Variants in UNC5C observed in about 807,000 individuals in gnomAD.
UNC5C encodes unc-5 netrin receptor C.
Under a neutral mutation model 99.8 loss-of-function variants are expected in UNC5C, and 47 were observed. The observed-to-expected ratio is 0.47, with a 90% CI of 0.37 to 0.60. UNC5C has a LOEUF of 0.60. UNC5C is among the 20% of genes least tolerant of loss of function. The probability of loss-of-function intolerance (pLI) is 0.00; values close to 1 mark genes in which losing one functional copy is unlikely to be tolerated. For synonymous variants in UNC5C, 487 were observed against 452.2 expected (o/e 1.08, Z -0.98); for missense variants, 1,062 against 1,165.9 (o/e 0.91, Z 1.30).
intron 3 of UNC5C, among the ~76,000 whole-genome samples, chr4:95,292,413 T>G (rs2149400489): frequency 6.6e-6 from 1 of 151,970 alleles, no homozygotes. Context: ...CATATATATT[T>G]AACTGGAGAT....
intron 11 of UNC5C, among the ~76,000 whole-genome samples, chr4:95,206,227 C>T (rs1737870731): frequency 1.3e-5 from 2 of 151,878 alleles, no homozygotes; most frequent in Admixed American, 1.3e-4. Context: ...TCTCAAACTC[C>T]TGACCTCATG....
At position 95,491,872 on chromosome 4, in the gene UNC5C, T is replaced by C. The variant is rs1578193129; in HGVS notation, c.124+56862A>G. Among the ~76,000 whole-genome samples, 3 of 151,752 alleles carry C rather than the reference T, an allele frequency of 2.0e-5. 1 individual carries two copies. Among genetic ancestry groups the C allele is most frequent in the South Asian group, 2.1e-4 (1 of 4,826 alleles). On this transcript the variant is annotated intron_variant, in intron 1 of 15. Transcript: ENST00000453304. ...TAAATATCAATATGTGTCCAAACTC[T>C]ATAATGTCGCTGTCACTGACATTGT...
chr4:95,393,110 T>A (rs1560816746), intron 1 of UNC5C, among the ~76,000 whole-genome samples: 1 of 152,160 alleles, frequency 6.6e-6, no homozygotes, highest in Non-Finnish European at 1.5e-5. Flanking sequence ...CTGGCTTAAC[T>A]TTATTATACT....
At chr4:95,349,843 AC>A (rs1467177744) in intron 1 of UNC5C, among the ~76,000 whole-genome samples, 2 of 151,932 alleles carry the variant, frequency 1.3e-5, no homozygotes, top group African/African-American at 4.8e-5. Flanking sequence ...CATGTCTGTG[AC>A]CTCTGACTTT....
intron 1 of UNC5C, among the ~76,000 whole-genome samples, chr4:95,367,043 C>T (rs1560806427): frequency 6.6e-6 from 1 of 152,076 alleles, no homozygotes; most frequent in African/African-American, 2.4e-5. Context: ...TTCACTAAGA[C>T]CCTGTCAATT....
chr4:95,237,229 T>C (rs1739152708), intron 7 of UNC5C, among the ~76,000 whole-genome samples: 1 of 152,206 alleles, frequency 6.6e-6, no homozygotes, highest in South Asian at 2.1e-4. Flanking sequence ...GCTGACTGTA[T>C]ATATTTTTAG....
At chr4:95,363,246 A>G (rs1744451265) in intron 1 of UNC5C, among the ~76,000 whole-genome samples, 1 of 152,136 alleles carries the variant, frequency 6.6e-6, no homozygotes. Flanking sequence ...ACCAGACACA[A>G]ATCTCACTGA....
chr4:95,258,075 A>G (rs1445732878), intron 4 of UNC5C, among the ~76,000 whole-genome samples: 1 of 152,244 alleles, frequency 6.6e-6, no homozygotes, highest in East Asian at 1.9e-4. Flanking sequence ...AACACACACT[A>G]CTAAACTAAC....
chr4:95,316,476 A>T (rs900410069), intron 2 of UNC5C, among the ~76,000 whole-genome samples: 1 of 152,164 alleles, frequency 6.6e-6, no homozygotes, highest in Non-Finnish European at 1.5e-5. Flanking sequence ...CCGCAGGCAC[A>T]CTTTTAATTT....
chr4:95,528,623 A>C (rs1722556880), intron 1 of UNC5C, among the ~76,000 whole-genome samples: 1 of 152,182 alleles, frequency 6.6e-6, no homozygotes, highest in South Asian at 2.1e-4. Context: ...AGTATGTAAT[A>C]AAACAGCTAA....
chr4:95,291,449 C>G (rs945913205), intron 3 of UNC5C, among the ~76,000 whole-genome samples: 2 of 152,132 alleles, frequency 1.3e-5, no homozygotes, highest in Non-Finnish European at 2.9e-5. Context: ...ACTTTAATAA[C>G]ACATTTTTGT....
chr4:95,182,875 C>G (rs1253392508), intron 14 of UNC5C, 22 bp downstream of exon 14: 1 of 1,599,396 alleles, frequency 6.3e-7, no homozygotes, highest in Non-Finnish European at 8.6e-7. Context: ...CCCCTGATTT[C>G]AGACAGACAG....
At chr4:95,514,005 T>G (rs999656162) in intron 1 of UNC5C, among the ~76,000 whole-genome samples, 1 of 152,172 alleles carries the variant, frequency 6.6e-6, no homozygotes, top group Non-Finnish European at 1.5e-5. Context: ...GATGGTATAC[T>G]TCAGAATCAA....
chr4:95,252,236 G>T (rs530494593), intron 4 of UNC5C, among the ~76,000 whole-genome samples: 9 of 152,270 alleles, frequency 5.9e-5, no homozygotes, highest in Non-Finnish European at 1.3e-4. Flanking sequence ...TCTCTTTGAT[G>T]ATAATTAAAA....
chr4:95,298,365 A>G (rs576419858), intron 3 of UNC5C, among the ~76,000 whole-genome samples: 4 of 152,082 alleles, frequency 2.6e-5, no homozygotes, highest in African/African-American at 7.2e-5. Flanking sequence ...CACCTACAGA[A>G]CCCTATGCCA....
intron 1 of UNC5C, among the ~76,000 whole-genome samples, chr4:95,492,688 G>C (rs1578193560): frequency 6.6e-6 from 1 of 151,508 alleles, no homozygotes; most frequent in Non-Finnish European, 1.5e-5. Context: ...TGGAGATTAA[G>C]TTACTAATGG....
At chr4:95,470,247 T>C (rs114032102) in intron 1 of UNC5C, among the ~76,000 whole-genome samples, 1 of 152,184 alleles carries the variant, frequency 6.6e-6, no homozygotes, top group East Asian at 1.9e-4. Context: ...TGCAATGTTT[T>C]CCAAATTGCT....
chr4:95,429,804 A>T (rs747373660), intron 1 of UNC5C, among the ~76,000 whole-genome samples: 5 of 152,110 alleles, frequency 3.3e-5, no homozygotes, highest in African/African-American at 4.8e-5. Context: ...AAGAGAAAAC[A>T]AGTAGGGGTA....
intron 14 of UNC5C, among the ~76,000 whole-genome samples, chr4:95,173,705 T>C (rs1307805358): frequency 6.6e-6 from 1 of 152,126 alleles, no homozygotes; most frequent in Admixed American, 6.5e-5. Flanking sequence ...AAATTCTCTT[T>C]TTTGGTTGTG....
Sources: allele counts gnomAD v4.1 joint callset (sites outside exome capture counted in the v4.1 genomes callset), GRCh38; gene constraint gnomAD v4.1.1; transcripts MANE v1.5; gene names NCBI Gene and HGNC (gene_info 2026-07-23, HGNC 2026-07-21).